EFHC2: variants seen among roughly 807,000 people sequenced by gnomAD.
EFHC2 encodes EF-hand domain containing 2, also known as EF-hand domain-containing family member C2.
A neutral mutation model predicts 52.7 loss-of-function variants in EFHC2; 18 were observed. That is an observed-to-expected ratio of 0.34 (90% CI 0.24 to 0.51). The LOEUF is 0.51. EFHC2 is among the 20% of genes least tolerant of loss of function. EFHC2 has a pLI of 0.97. For missense variants in EFHC2, 513 were observed against 562.5 expected (o/e 0.91, Z 0.89); for synonymous variants, 203 against 204.1 (o/e 0.99, Z 0.04).
intron 13 of EFHC2, among the ~76,000 whole-genome samples, chrX:44,164,963 G>A (rs369146385): frequency 9.0e-6 from 1 of 111,500 alleles, no homozygotes; most frequent in East Asian, 2.8e-4. Context: ...CAACACAATT[G>A]CTACAATGAC....
At chrX:44,166,951 C>T (rs2036700647) in intron 13 of EFHC2, among the ~76,000 whole-genome samples, 1 of 112,016 alleles carries the variant, frequency 8.9e-6, no homozygotes, top group African/African-American at 3.2e-5. Context: ...TACTTCTACT[C>T]TTACCTAGCA....
chrX:44,165,191 A>T (rs1236457574), intron 13 of EFHC2, among the ~76,000 whole-genome samples: 1 of 111,981 alleles, frequency 8.9e-6, no homozygotes, highest in Non-Finnish European at 1.9e-5. Flanking sequence ...TTCTCAAAGT[A>T]CTAAAAAATT....
intron 2 of EFHC2, among the ~76,000 whole-genome samples, chrX:44,295,356 T>C (rs151087905): frequency 3.6e-5 from 4 of 111,868 alleles, no homozygotes; most frequent in African/African-American, 1.3e-4. Context: ...AAGGGCATTC[T>C]CTGCAAAGGG....
chrX:44,255,364 G>A (rs2037483608), intron 4 of EFHC2, among the ~76,000 whole-genome samples: 1 of 111,545 alleles, frequency 9.0e-6, no homozygotes, highest in South Asian at 3.8e-4. Flanking sequence ...TCAGTGTGCT[G>A]TATTCAGGAG....
At chrX:44,205,326 A>G (rs756813626) in intron 11 of EFHC2, among the ~76,000 whole-genome samples, 1 of 111,377 alleles carries the variant, frequency 9.0e-6, no homozygotes, top group South Asian at 3.8e-4. Context: ...CAACACTACA[A>G]TAGGAACAAA....
chrX:44,188,277 C>T (rs2036893256), intron 11 of EFHC2, among the ~76,000 whole-genome samples: 1 of 111,243 alleles, frequency 9.0e-6, no homozygotes, highest in Non-Finnish European at 1.9e-5. Flanking sequence ...ACCACCACGC[C>T]TGGCCATAAA....
rs1248581890 is a variant in EFHC2 at position 44,148,013 on chromosome X, G to T, written c.*782C>A. On this transcript the variant is annotated 3_prime_UTR_variant, in exon 15 of 15. Coordinates refer to ENST00000420999, the MANE Select transcript of EFHC2 (RefSeq NM_025184.4). ...TGAATATTTAAACCTCTAGGGTGGG[G>T]CGCGTGGGATGTGTGTGTAAAACAA... 1 of 109,982 alleles carries T rather than the reference G, an allele frequency of 9.1e-6. No individual in the cohort carries two copies. The highest frequency in any genetic ancestry group is 1.9e-5 in the Non-Finnish European group (1 of 52,743). 9.1% of individuals were successfully genotyped at this position (109,982 alleles called of 1,213,427 possible). A position where few individuals can be genotyped will look rare whatever the true frequency, so the allele number is the denominator to read the frequency against.
At chrX:44,185,696 T>C (rs1429336902) in intron 11 of EFHC2, among the ~76,000 whole-genome samples, 2 of 110,384 alleles carry the variant, frequency 1.8e-5, no homozygotes, top group African/African-American at 3.3e-5. Flanking sequence ...ACTACCACGC[T>C]TGGCTAATTT....
chrX:44,195,447 T>G (rs1323704965), intron 11 of EFHC2, among the ~76,000 whole-genome samples: 1 of 110,452 alleles, frequency 9.1e-6, no homozygotes, highest in Non-Finnish European at 1.9e-5. Context: ...CTGTTTTGTT[T>G]TTTTGTTTTT....
At chrX:44,253,434 G>A (rs867984198) in intron 4 of EFHC2, among the ~76,000 whole-genome samples, 1 of 111,007 alleles carries the variant, frequency 9.0e-6, no homozygotes, top group Admixed American at 9.6e-5. Flanking sequence ...GAGCTTGGTG[G>A]GGGGAGGGGC....
intron 11 of EFHC2, among the ~76,000 whole-genome samples, chrX:44,216,192 A>T (rs1388174178): frequency 8.9e-6 from 1 of 112,599 alleles, no homozygotes; most frequent in Non-Finnish European, 1.9e-5. Context: ...TTAACAGCTA[A>T]TAACACCCAT....
At chrX:44,307,933 CA>C (rs11305511) in intron 2 of EFHC2, among the ~76,000 whole-genome samples, 38,475 of 92,427 alleles carry the variant, frequency 0.42, 6,935 homozygotes, top group Middle Eastern at 0.65. Context: ...GACTTTGTCT[CA>C]AAAAAAAAAA....
rs1569271175 is a variant in EFHC2, at chrX:44,149,949, G to A, written c.2149-1053C>T. Among the ~76,000 whole-genome samples, 5 of 112,088 alleles carry A rather than the reference G, an allele frequency of 4.5e-5. No homozygotes were observed. The South Asian group carries it at 1.9e-3, about 42-fold the overall frequency. On this transcript the variant is annotated intron_variant, in intron 14 of 14. Transcript: ENST00000420999. ...TAAGCCACTTTATTTGTGTGTGTGTGTGTACACATATACACACACAGATGC... is the reference window on the plus strand; with the variant it reads ...TAAGCCACTTTATTTGTGTGTGTGTATGTACACATATACACACACAGATGC...
chrX:44,319,092 C>T (rs1423230447), intron 1 of EFHC2, among the ~76,000 whole-genome samples: 2 of 107,925 alleles, frequency 1.9e-5, no homozygotes, highest in African/African-American at 6.8e-5. Context: ...CAACCTCCAC[C>T]TCCCAGGTTC....
intron 11 of EFHC2, among the ~76,000 whole-genome samples, chrX:44,195,093 G>A (rs2036953178): frequency 9.0e-6 from 1 of 111,629 alleles, no homozygotes; most frequent in African/African-American, 3.3e-5. Context: ...TTCCTGTGTC[G>A]CTTTGCTGTC....
chrX:44,222,606 A>G lies in EFHC2; in HGVS notation c.1751+7043T>C, dbSNP rs764556647. Among the ~76,000 whole-genome samples the G allele has an allele frequency of 1.2e-4, 13 of 111,596 alleles. No homozygotes were observed. The East Asian group carries it at 3.7e-3, about 32-fold the overall frequency. On this transcript the variant is annotated intron_variant, in intron 11 of 14. Transcript: ENST00000420999. ...CTTGGCGAGTCAAAACAATATTTTC[A>G]AAGTACTAAAACTAGGTAGGTGCTT...
chrX:44,190,225 T>G (rs1213581466), intron 11 of EFHC2, among the ~76,000 whole-genome samples: 1 of 111,825 alleles, frequency 8.9e-6, no homozygotes, highest in Non-Finnish European at 1.9e-5. Context: ...TCCACCAGCC[T>G]GGCAGAACCT....
At chrX:44,319,358 T>C (rs1476587362) in intron 1 of EFHC2, among the ~76,000 whole-genome samples, 1 of 111,232 alleles carries the variant, frequency 9.0e-6, no homozygotes, top group African/African-American at 3.3e-5. Flanking sequence ...CTTCAACCAA[T>C]CTTAAACTGA....
chrX:44,298,860 CAAAAAAAAAAA>C (rs34701706), intron 2 of EFHC2, among the ~76,000 whole-genome samples: 6 of 22,712 alleles, frequency 2.6e-4, no homozygotes, highest in African/African-American at 7.1e-4. Context: ...GACTCTGTCT[CAAAAAAAAAAA>C]AAAAAAAAAA....
Sources: gnomAD v4.1 joint callset for allele counts (sites outside exome capture counted in the v4.1 genomes callset) on GRCh38, gnomAD v4.1.1 for gene constraint, MANE v1.5 for transcripts, NCBI Gene and HGNC (gene_info 2026-07-23, HGNC 2026-07-21) for gene names.